Variants in KCNN2 observed in about 807,000 individuals in gnomAD.
The protein encoded by KCNN2 is small conductance calcium-activated potassium channel protein 2.
In KCNN2, 24 loss-of-function variants were observed where a neutral mutation model predicts 55.5. That is an observed-to-expected ratio of 0.43 (90% CI 0.31 to 0.61). The LOEUF (loss-of-function observed/expected upper bound fraction) is 0.61, where lower values mean the gene tolerates loss of function less well. Among genes scored for constraint, KCNN2 ranks in the 20% least tolerant of loss-of-function variants. KCNN2 has a pLI of 0.08. For synonymous variants in KCNN2, 431 were observed against 336.1 expected, an observed-to-expected ratio of 1.28 and a Z score of -3.09; for missense variants, 754 against 853.6, an observed-to-expected ratio of 0.88 and a Z score of 1.45.
At chr5:114,363,812 G>T in intron 1 of KCNN2, 94 bp from the exon 2 acceptor site, 1 of 831,860 alleles carries the variant, frequency 1.2e-6, no homozygotes, top group East Asian at 2.4e-5. Flanking sequence ...TGTGAGTTCA[G>T]GTCCACCTGT....
intron 1 of KCNN2, among the ~76,000 whole-genome samples, chr5:114,165,781 T>G (rs950479158): frequency 3.9e-5 from 6 of 152,172 alleles, no homozygotes; most frequent in Non-Finnish European, 7.3e-5. Context: ...ATATGTATTA[T>G]TTTACTGTTT....
chr5:114,129,424 T>G (rs1752003727), intron 1 of KCNN2, among the ~76,000 whole-genome samples: 1 of 151,912 alleles, frequency 6.6e-6, no homozygotes, highest in Non-Finnish European at 1.5e-5. Context: ...TAGCTGCCAC[T>G]GACGCTCTTC....
intron 1 of KCNN2, among the ~76,000 whole-genome samples, chr5:114,093,389 C>T (rs956521906): frequency 1.1e-4 from 16 of 152,218 alleles, no homozygotes; most frequent in African/African-American, 3.9e-4. Flanking sequence ...ATCTTCCTGT[C>T]TTCTTCTGAG....
intron 1 of KCNN2, among the ~76,000 whole-genome samples, chr5:114,057,433 C>T (rs576419813): frequency 6.6e-5 from 10 of 152,156 alleles, no homozygotes; most frequent in Middle Eastern, 3.4e-3. Context: ...GTGGGGGAAC[C>T]GAGATTGAAG....
At chr5:114,454,132 G>A (rs919081181) in intron 3 of KCNN2, among the ~76,000 whole-genome samples, 4 of 152,120 alleles carry the variant, frequency 2.6e-5, no homozygotes, top group African/African-American at 9.7e-5. Context: ...CTTCATCCAT[G>A]TCCCTGCAAA....
chr5:114,118,686 C>T lies in KCNN2; in HGVS notation c.-271+62186C>T, dbSNP rs576739978. Among the ~76,000 whole-genome samples the T allele has an allele frequency of 7.9e-5, 12 of 152,208 alleles. No individual in the cohort carries two copies. In the East Asian group the frequency reaches 2.3e-3, roughly 29 times the overall value. ...TGAATCTCAGTCAGAAACACCCTCA[C>T]AGATGCATCTAGAAATGTTTATTCT... On this transcript the variant is annotated intron_variant, in intron 1 of 10. Coordinates refer to the KCNN2 transcript ENST00000512097.
At chr5:114,192,552 T>C (rs976814478) in intron 1 of KCNN2, among the ~76,000 whole-genome samples, 3 of 152,094 alleles carry the variant, frequency 2.0e-5, no homozygotes, top group Non-Finnish European at 4.4e-5. Context: ...TGCCTCAGGG[T>C]CATCAAGAAT....
rs189930358 is a variant in KCNN2, at chr5:114,296,762, T to C, written c.-184-64183T>C. The stretch of plus-strand genomic sequence containing the variant: ...TTAAGCTAAGCACCAAGAGACCCAA[T>C]GGAAAGAATAAGTAAATATTGTTTG... On this transcript the variant is annotated intron_variant, in intron 2 of 10. Transcript: ENST00000512097. Among the ~76,000 whole-genome samples the C allele has an allele frequency of 3.9e-5, 6 of 152,312 alleles. No homozygotes were observed. In the East Asian group the frequency reaches 1.2e-3, roughly 29 times the overall value.
At chr5:114,182,330 T>G (rs902539858) in intron 1 of KCNN2, among the ~76,000 whole-genome samples, 7 of 152,108 alleles carry the variant, frequency 4.6e-5, no homozygotes, top group Non-Finnish European at 7.4e-5. Flanking sequence ...GTGTAAGTCC[T>G]TGAACCTTAT....
intron 2 of KCNN2, among the ~76,000 whole-genome samples, chr5:114,316,682 G>A (rs1450865349): frequency 1.3e-5 from 2 of 152,198 alleles, no homozygotes; most frequent in Non-Finnish European, 2.9e-5. Flanking sequence ...TATGAAAAAT[G>A]TAACCCAATC....
intron 2 of KCNN2, among the ~76,000 whole-genome samples, chr5:114,264,877 A>G (rs988168780): frequency 2.0e-5 from 3 of 152,230 alleles, no homozygotes; most frequent in African/African-American, 7.2e-5. Flanking sequence ...CCTGATGACA[A>G]AAGGTTCAAG....
intron 1 of KCNN2, among the ~76,000 whole-genome samples, chr5:114,068,020 A>T (rs1039219199): frequency 9.2e-5 from 14 of 152,180 alleles, no homozygotes; most frequent in African/African-American, 3.4e-4. Context: ...TCCAGGAGGG[A>T]GGCTTTTAGA....
chr5:114,442,247 CAT>C (rs200102000), intron 3 of KCNN2, among the ~76,000 whole-genome samples: 8 of 149,280 alleles, frequency 5.4e-5, no homozygotes, highest in South Asian at 2.1e-4. Context: ...TATATATATA[CAT>C]ATATATATAT....
intron 3 of KCNN2, among the ~76,000 whole-genome samples, chr5:114,430,057 T>C (rs867389344): frequency 1.1e-4 from 17 of 152,190 alleles, no homozygotes; most frequent in African/African-American, 3.8e-4. Context: ...AGTCAAATAG[T>C]GTTATTCCTC....
At position 114,356,121 on chromosome 5, in the gene KCNN2, C is replaced by T. The variant is rs549355053; in HGVS notation, c.-184-4824C>T. Among the ~76,000 whole-genome samples the T allele has an allele frequency of 2.6e-5, 4 of 152,174 alleles. No individual in the cohort carries two copies. In the East Asian group the frequency reaches 7.7e-4, roughly 29 times the overall value. ...AAGAGCTAGCAGAGTGTAAAACAGA[C>T]CCACAGAAAAATTCAGAAGATTGTA... On this transcript the variant is annotated intron_variant, in intron 2 of 10. Transcript: ENST00000512097.
intron 2 of KCNN2, among the ~76,000 whole-genome samples, chr5:114,335,739 A>C (rs1429066429): frequency 6.6e-6 from 1 of 152,174 alleles, no homozygotes; most frequent in Non-Finnish European, 1.5e-5. Context: ...AGTGTTGCCA[A>C]AGTTTAGGGC....
chr5:114,266,462 G>A (rs567914470), intron 2 of KCNN2, among the ~76,000 whole-genome samples: 2 of 152,260 alleles, frequency 1.3e-5, no homozygotes, highest in African/African-American at 4.8e-5. Context: ...AGCTGCTTGG[G>A]AAAATCAGAC....
At chr5:114,130,580 A>G (rs1228874048) in intron 1 of KCNN2, among the ~76,000 whole-genome samples, 7 of 152,224 alleles carry the variant, frequency 4.6e-5, no homozygotes, top group African/African-American at 1.2e-4. Flanking sequence ...TCAGCTTCAT[A>G]TTTACTGCCA....
chr5:114,155,775 T>C (rs962406113), intron 1 of KCNN2, among the ~76,000 whole-genome samples: 6 of 152,218 alleles, frequency 3.9e-5, no homozygotes, highest in Middle Eastern at 3.2e-3. Flanking sequence ...AGATGCTGGA[T>C]ATTAGACCTT....
Sources: gnomAD v4.1 joint callset for allele counts (sites outside exome capture counted in the v4.1 genomes callset) on GRCh38, gnomAD v4.1.1 for gene constraint, MANE v1.5 for transcripts, NCBI Gene and HGNC (gene_info 2026-07-23, HGNC 2026-07-21) for gene names.